CD163L1: variants seen among roughly 807,000 people sequenced by gnomAD.
CD163L1 encodes scavenger receptor cysteine-rich type 1 protein M160.
In CD163L1, 124 loss-of-function variants were observed where a neutral mutation model predicts 165.4. That is an observed-to-expected ratio of 0.75 (90% CI 0.65 to 0.87). The LOEUF is 0.87. Ranked by LOEUF, CD163L1 falls within the 40% of genes least tolerant of loss-of-function variation. The pLI is 0.00. For missense variants in CD163L1, 1,525 were observed against 1,799.9 expected, an observed-to-expected ratio of 0.85 and a Z score of 2.76; for synonymous variants, 585 against 662.2, an observed-to-expected ratio of 0.88 and a Z score of 1.79.
the CD163L1 span, among the ~76,000 whole-genome samples, chr12:7,332,772 T>A: frequency 6.6e-6 from 1 of 151,808 alleles, no homozygotes; most frequent in Non-Finnish European, 1.5e-5. Context: ...CTAAAAGAGC[T>A]CCTGAAGGAA....
At chr12:7,394,893 G>T (rs185702527) in intron 8 of CD163L1, among the ~76,000 whole-genome samples, 1 of 152,276 alleles carries the variant, frequency 6.6e-6, no homozygotes, top group Non-Finnish European at 1.5e-5. Flanking sequence ...ACCACAGTGA[G>T]ATACCATCTC....
At chr12:7,365,336 C>G (rs542446601) in intron 18 of CD163L1, among the ~76,000 whole-genome samples, 2 of 152,080 alleles carry the variant, frequency 1.3e-5, no homozygotes, top group Non-Finnish European at 2.9e-5. Flanking sequence ...CTGGGAAACA[C>G]TCCAGGATAT....
At chr12:7,351,491 C>T (rs1035308604), downstream of CD163L1, among the ~76,000 whole-genome samples, 1 of 152,126 alleles carries the variant, frequency 6.6e-6, no homozygotes, top group Non-Finnish European at 1.5e-5. Context: ...GTCTCTTCCT[C>T]TTCTTATTAG....
intron 8 of CD163L1, among the ~76,000 whole-genome samples, chr12:7,383,186 G>T (rs1401065274): frequency 6.6e-6 from 1 of 152,092 alleles, no homozygotes; most frequent in African/African-American, 2.4e-5. Flanking sequence ...CCACCCAAAG[G>T]TCTGGAAATT....
chr12:7,443,369 A>C, intron 1 of CD163L1, among the ~76,000 whole-genome samples: 1 of 152,216 alleles, frequency 6.6e-6, no homozygotes, highest in Admixed American at 6.5e-5. Flanking sequence ...TCCCAAATAC[A>C]GCAAAAACCT....
chr12:7,393,417 G>A (rs1407753076), intron 8 of CD163L1, among the ~76,000 whole-genome samples: 1 of 152,078 alleles, frequency 6.6e-6, no homozygotes, highest in Non-Finnish European at 1.5e-5. Flanking sequence ...TTGATGGAAC[G>A]TATCTCAAAA....
the CD163L1 span, among the ~76,000 whole-genome samples, chr12:7,321,569 T>C: frequency 6.6e-6 from 1 of 152,324 alleles, no homozygotes; most frequent in South Asian, 2.1e-4. Context: ...AACATCAGCA[T>C]CTTGTTCACA....
chr12:7,432,713 G>T lies in CD163L1; in HGVS notation c.469C>A (p.Leu157Ile). Residue 157 changes from leucine (L) to isoleucine (I), a missense_variant, in exon 4 of 20, where the codon CTA (leucine) becomes ATA (isoleucine). Leu to Ile is a conservative substitution (Grantham distance 5). Transcript: ENST00000313599. The surrounding 1 kb of genome is among the most constrained non-coding windows in gnomAD (Gnocchi z 4.2). ...GAACAGGAGTTGTTTCCATCCACTA[G>T]CCTCAAACCCAGATTGGCTTCACCT... is the stretch of plus-strand genomic sequence containing the variant. ...CYGEANLGLR[L>I]VDGNNSCSGR... The T allele has an allele frequency of 6.2e-7, 1 of 1,609,830 alleles. No homozygotes were observed. Among genetic ancestry groups the T allele is most frequent in the South Asian group, 1.1e-5 (1 of 90,566 alleles).
chr12:7,324,027 G>A, the CD163L1 span, among the ~76,000 whole-genome samples: 3 of 151,800 alleles, frequency 2.0e-5, no homozygotes, highest in South Asian at 2.1e-4. Flanking sequence ...AACATAATAC[G>A]GTTAGTCAGG....
At position 7,400,593 on chromosome 12, in the gene CD163L1, T is replaced by G. The variant is rs1035469428; in HGVS notation, c.1409-2009A>C. ...TATTTACAGGTGCAATCATAGCACC[T>G]TACAGTCTCTATCTCCTGGGCTCAA... is the stretch of plus-strand genomic sequence containing the variant. On this transcript the variant is annotated intron_variant, in intron 6 of 19. Coordinates refer to ENST00000313599, the MANE Select transcript of CD163L1 (RefSeq NM_174941.6). The surrounding 1 kb of genome is among the most constrained non-coding windows in gnomAD (Gnocchi z 4.1). 2.0e-5 allele frequency among the ~76,000 whole-genome samples: 3 copies of G among 152,078 alleles called. No homozygotes were observed. The highest frequency in any genetic ancestry group is 4.4e-5 in the Non-Finnish European group (3 of 68,008).
chr12:7,435,195 A>G lies in CD163L1; in HGVS notation c.125-1501T>C, dbSNP rs73043404. On this transcript the variant is annotated intron_variant, in intron 2 of 19. Coordinates refer to ENST00000313599, the MANE Select transcript of CD163L1 (RefSeq NM_174941.6). ...TTTCAACGTGTACATTAGAATTTCTACTAATTTTTAGACATACCAAATTTC... is the reference window on the plus strand; with the variant it reads ...TTTCAACGTGTACATTAGAATTTCTGCTAATTTTTAGACATACCAAATTTC... Among the ~76,000 whole-genome samples, 1,055 of 152,106 alleles carry G rather than the reference A, an allele frequency of 6.9e-3. 8 individuals carry two copies. Among genetic ancestry groups the G allele is most frequent in the Non-Finnish European group, 8.3e-3 (565 of 67,932 alleles).
intron 6 of CD163L1, among the ~76,000 whole-genome samples, chr12:7,402,738 C>A (rs1436159529): frequency 6.6e-6 from 1 of 151,846 alleles, no homozygotes; most frequent in Admixed American, 6.6e-5. Context: ...TGGGATCAAG[C>A]AATCCTCCCG....
intron 18 of CD163L1, among the ~76,000 whole-genome samples, chr12:7,365,740 T>C (rs1366164936): frequency 6.6e-6 from 1 of 152,114 alleles, no homozygotes; most frequent in Non-Finnish European, 1.5e-5. Flanking sequence ...GAATGGCTTT[T>C]ATCAAAAAGA....
chr12:7,375,850 C>T lies in CD163L1; in HGVS notation c.2536G>A (p.Val846Met). 1 of 1,614,216 alleles carries T rather than the reference C, an allele frequency of 6.2e-7. No homozygotes were observed. Among genetic ancestry groups the T allele is most frequent in the East Asian group, 2.2e-5 (1 of 44,880 alleles). ...TTCCCTTTTCCAAAGTGATCTCCCA[C>T]AGAAAGAGATATGGCATCTCCACAG... ...LNCGDAISLS[V>M]GDHFGKGNGL... is the part of the protein sequence containing the mutation. Residue 846 changes from valine to methionine, a missense_variant, in exon 10 of 20, where the codon GTG becomes ATG. Coordinates refer to ENST00000313599, the MANE Select transcript of CD163L1 (RefSeq NM_174941.6).
chr12:7,402,890 C>A lies in CD163L1; in HGVS notation c.1408+645G>T, dbSNP rs866428630. 2.5e-4 allele frequency among the ~76,000 whole-genome samples: 38 copies of A among 152,172 alleles called. No individual in the cohort carries two copies. The Middle Eastern group carries it at 0.017, about 68-fold the overall frequency. On this transcript the variant is annotated intron_variant, in intron 6 of 19. Transcript: ENST00000313599. ...TCAAGTGATCTTCCTGTGGTAGTCT[C>A]CCAAAGTGTTGGGGTTACAGGTGTG...
intron 18 of CD163L1, among the ~76,000 whole-genome samples, chr12:7,363,240 C>T (rs981653994): frequency 4.6e-5 from 7 of 151,650 alleles, no homozygotes; most frequent in Non-Finnish European, 7.4e-5. Context: ...ACCCAGGAGG[C>T]GGAGGTCGCA....
In CD163L1 at chr12:7,373,322, T is replaced by C; in HGVS notation, c.3728A>G (p.Glu1243Gly). Reference protein sequence around the residue: ...SPAEETWITCEDRIRVRGGDT... With the variant: ...SPAEETWITCGDRIRVRGGDT... The stretch of plus-strand genomic sequence containing the variant: ...CTGGTGTTTAGAAAGATACCCACCT[T>C]CACATGTGATCCAGGTCTCTTCTGC... Residue 1243 changes from glutamate to glycine, a missense_variant and splice_region_variant, in exon 14 of 20, where the codon GAA becomes GGA. By Grantham distance (98) the Glu-to-Gly change is moderately conservative. Coordinates refer to ENST00000313599, the MANE Select transcript of CD163L1 (RefSeq NM_174941.6). 1 of 1,602,020 alleles carries C rather than the reference T, an allele frequency of 6.2e-7. No homozygotes were observed. The highest frequency in any genetic ancestry group is 1.1e-5 in the South Asian group (1 of 89,846).
chr12:7,355,378 T>C (rs1489332457), intron 19 of CD163L1, among the ~76,000 whole-genome samples: 1 of 152,170 alleles, frequency 6.6e-6, no homozygotes, highest in Non-Finnish European at 1.5e-5. Flanking sequence ...CAGAATGTAA[T>C]AATTTACTTA....
the CD163L1 span, among the ~76,000 whole-genome samples, chr12:7,341,572 T>G: frequency 9.6e-4 from 147 of 152,354 alleles, 1 homozygote; most frequent in African/African-American, 3.3e-3. Flanking sequence ...CTGTATCTCT[T>G]GCATTGTTTC....
Sources: gnomAD v4.1 joint callset for allele counts (sites outside exome capture counted in the v4.1 genomes callset) on GRCh38, gnomAD v4.1.1 for gene constraint, Gnocchi (gnomAD v3.1) non-coding constraint, MANE v1.5 for transcripts, NCBI Gene and HGNC (gene_info 2026-07-23, HGNC 2026-07-21) for gene names.